ADGRL2: variants seen among roughly 807,000 people sequenced by gnomAD.
ADGRL2 encodes calcium-independent alpha-latrotoxin receptor 2.
ADGRL2 carries 44 observed loss-of-function variants against 157.4 expected under a neutral mutation model. That is an observed-to-expected ratio of 0.28 (90% CI 0.22 to 0.36). ADGRL2 has a LOEUF of 0.36. Ranked by LOEUF, ADGRL2 falls within the 10% of genes least tolerant of loss-of-function variation. ADGRL2 has a pLI of 1.00. For synonymous variants in ADGRL2, 585 were observed against 624.7 expected, an observed-to-expected ratio of 0.94 and a Z score of 0.95; for missense variants, 1,510 against 1,768.9, an observed-to-expected ratio of 0.85 and a Z score of 2.63.
chr1:81,809,429 A>T (rs894837140), intron 1 of ADGRL2, among the ~76,000 whole-genome samples: 2 of 152,156 alleles, frequency 1.3e-5, no homozygotes, highest in Middle Eastern at 3.4e-3. Context: ...AAAAAAAGAG[A>T]TGGAGATAAA....
intron 3 of ADGRL2, among the ~76,000 whole-genome samples, chr1:81,654,781 T>C (rs2082494948): frequency 6.6e-6 from 1 of 152,208 alleles, no homozygotes; most frequent in South Asian, 2.1e-4. Flanking sequence ...AGTAGATGGC[T>C]GAATTTCATT....
At chr1:81,364,187 A>G (rs2100933923) in intron 1 of ADGRL2, among the ~76,000 whole-genome samples, 1 of 149,966 alleles carries the variant, frequency 6.7e-6, no homozygotes, top group Non-Finnish European at 1.5e-5. Flanking sequence ...AGACAGAGGA[A>G]GGTTGAGCCT....
chr1:81,649,498 G>C (rs1233198340), intron 3 of ADGRL2, among the ~76,000 whole-genome samples: 1 of 152,120 alleles, frequency 6.6e-6, no homozygotes, highest in East Asian at 1.9e-4. Context: ...CCCAACACCA[G>C]TCCTGACTAG....
chr1:81,874,600 CTTGTCTTGT>C (rs1012362203), intron 2 of ADGRL2, among the ~76,000 whole-genome samples: 5 of 148,822 alleles, frequency 3.4e-5, no homozygotes, highest in Admixed American at 6.8e-5. Context: ...TCTGTCTTGT[CTTGTCTTGT>C]TTGTCTTGTC....
At chr1:81,488,517 A>G (rs1364261060) in intron 2 of ADGRL2, among the ~76,000 whole-genome samples, 11 of 143,418 alleles carry the variant, frequency 7.7e-5, no homozygotes, top group African/African-American at 2.6e-4. Flanking sequence ...CCTGTGCAAC[A>G]TGGCAAAACC....
chr1:81,360,283 G>A (rs983408384), intron 1 of ADGRL2, among the ~76,000 whole-genome samples: 4 of 151,752 alleles, frequency 2.6e-5, no homozygotes, highest in African/African-American at 9.7e-5. Context: ...TTAATTGACT[G>A]TTTTCTTCTG....
chr1:81,713,774 T>C (rs1322393146), intron 1 of ADGRL2, among the ~76,000 whole-genome samples: 1 of 152,212 alleles, frequency 6.6e-6, no homozygotes, highest in African/African-American at 2.4e-5. Context: ...GATGGAAATA[T>C]GCAAAGACCC....
chr1:81,659,910 TG>T (rs2082617867), intron 3 of ADGRL2, among the ~76,000 whole-genome samples: 1 of 152,224 alleles, frequency 6.6e-6, no homozygotes, highest in South Asian at 2.1e-4. Flanking sequence ...AATGAAATGT[TG>T]TTTGTGTGTG....
intron 2 of ADGRL2, among the ~76,000 whole-genome samples, chr1:81,467,995 T>C (rs1224573973): frequency 3.3e-5 from 5 of 152,212 alleles, no homozygotes; most frequent in Non-Finnish European, 2.9e-5. Context: ...AATGGATATA[T>C]TCAGTTCCTT....
At chr1:81,821,845 G>A (rs1245095345) in intron 1 of ADGRL2, among the ~76,000 whole-genome samples, 1 of 152,020 alleles carries the variant, frequency 6.6e-6, no homozygotes, top group Non-Finnish European at 1.5e-5. Flanking sequence ...TAAATGAGTT[G>A]CTGAGATTTA....
intron 1 of ADGRL2, among the ~76,000 whole-genome samples, chr1:81,832,670 G>A (rs2092028400): frequency 6.6e-6 from 1 of 152,206 alleles, no homozygotes; most frequent in African/African-American, 2.4e-5. Flanking sequence ...AAAGAGGGTG[G>A]TGACTAGTGG....
chr1:81,981,658 T>C (rs1661704645), intron 18 of ADGRL2, 150 bp from the exon 19 acceptor site: 1 of 672,084 alleles, frequency 1.5e-6, no homozygotes, highest in Non-Finnish European at 2.6e-6. Context: ...TGTTCTTTCT[T>C]AATCAGAGAA....
intron 3 of ADGRL2, among the ~76,000 whole-genome samples, chr1:81,639,540 CAAAAAAAA>C (rs56281820): frequency 1.2e-5 from 1 of 82,980 alleles, no homozygotes; most frequent in Non-Finnish European, 2.0e-5. Flanking sequence ...TCCATCTCTA[CAAAAAAAA>C]AAAAAAAAAA....
chr1:81,590,953 A>T (rs2081120263), intron 3 of ADGRL2, among the ~76,000 whole-genome samples: 1 of 151,960 alleles, frequency 6.6e-6, no homozygotes, highest in Non-Finnish European at 1.5e-5. Context: ...CTCAGGATCC[A>T]CTCCCAGGCA....
intron 3 of ADGRL2, among the ~76,000 whole-genome samples, chr1:81,617,948 G>A (rs1465663742): frequency 6.6e-6 from 1 of 152,052 alleles, no homozygotes; most frequent in Non-Finnish European, 1.5e-5. Context: ...AACACCCCAG[G>A]GCATAACCTT....
At chr1:81,452,097 G>A (rs1203191189) in intron 2 of ADGRL2, among the ~76,000 whole-genome samples, 2 of 152,052 alleles carry the variant, frequency 1.3e-5, no homozygotes, top group African/African-American at 2.4e-5. Context: ...ATTTTAACAA[G>A]ACTGTCGTTT....
chr1:81,831,848 T>C (rs2091967134), intron 1 of ADGRL2, among the ~76,000 whole-genome samples: 1 of 152,118 alleles, frequency 6.6e-6, no homozygotes, highest in Admixed American at 6.5e-5. Flanking sequence ...AAATATTTGT[T>C]GAAGGAATAA....
chr1:81,955,515 T>C (rs889100572), intron 10 of ADGRL2, among the ~76,000 whole-genome samples: 4 of 152,178 alleles, frequency 2.6e-5, no homozygotes, highest in African/African-American at 9.6e-5. Flanking sequence ...AGATCATAAA[T>C]AGGATGACTT....
upstream of ADGRL2, among the ~76,000 whole-genome samples, chr1:81,799,142 G>A (rs1172759787): frequency 6.6e-6 from 1 of 152,092 alleles, no homozygotes; most frequent in African/African-American, 2.4e-5. Context: ...ATTTTGCTAG[G>A]TAGATCTGTT....
Sources: allele counts gnomAD v4.1 joint callset (sites outside exome capture counted in the v4.1 genomes callset), GRCh38; gene constraint gnomAD v4.1.1; transcripts MANE v1.5; gene names NCBI Gene and HGNC (gene_info 2026-07-23, HGNC 2026-07-21).